Variants in WDPCP observed in about 807,000 individuals in gnomAD.
WDPCP encodes WD repeat containing planar cell polarity effector.
WDPCP carries 71 observed loss-of-function variants against 93.1 expected under a neutral mutation model. That is an observed-to-expected ratio of 0.76 (90% confidence interval 0.63 to 0.93). The LOEUF is 0.93. WDPCP is among the 40% of genes least tolerant of loss of function. The pLI is 0.00. For missense variants in WDPCP, 844 were observed against 887.4 expected (o/e 0.95, Z 0.62); for synonymous variants, 315 against 315.0 (o/e 1.00, Z 0.00).
At chr2:63,757,478 C>T (rs1387813627) in intron 2 of WDPCP, among the ~76,000 whole-genome samples, 1 of 152,160 alleles carries the variant, frequency 6.6e-6, no homozygotes, top group Non-Finnish European at 1.5e-5. Flanking sequence ...TTAGAAACTA[C>T]CATACCTCAC....
At chr2:63,800,367 C>G (rs1238985263) in intron 2 of WDPCP, among the ~76,000 whole-genome samples, 1 of 152,160 alleles carries the variant, frequency 6.6e-6, no homozygotes, top group Non-Finnish European at 1.5e-5. Context: ...TCAGACCTGT[C>G]TCTCCTATTA....
In WDPCP at chr2:63,575,395, T is replaced by C. The variant is rs867620204; in HGVS notation, c.75+12802A>G. 6.3e-4 allele frequency among the ~76,000 whole-genome samples: 56 copies of C among 89,338 alleles called. 2 individuals are homozygous for C. Among genetic ancestry groups the C allele is most frequent in the African/African-American group, 1.9e-3 (43 of 22,542 alleles). 58.6% of individuals were successfully genotyped at this position (89,338 alleles called of 152,430 possible). ...GTATATACAGTATATACACGGTATATACAGTATATATACAGTATATACACT... is the reference window on the plus strand; with the variant it reads ...GTATATACAGTATATACACGGTATACACAGTATATATACAGTATATACACT... On this transcript the variant is annotated intron_variant, in intron 1 of 17. Coordinates refer to ENST00000272321, the MANE Select transcript of WDPCP (RefSeq NM_015910.7).
intron 3 of WDPCP, among the ~76,000 whole-genome samples, chr2:63,617,278 CT>C (rs1040778529): frequency 6.6e-6 from 1 of 152,144 alleles, no homozygotes; most frequent in African/African-American, 2.4e-5. Flanking sequence ...TTATCTTGAA[CT>C]TAGAGATGGG....
intron 13 of WDPCP, among the ~76,000 whole-genome samples, chr2:63,282,215 A>T (rs1193671392): frequency 6.6e-6 from 1 of 152,186 alleles, no homozygotes; most frequent in Non-Finnish European, 1.5e-5. Flanking sequence ...TGGTATAAAA[A>T]CAGACATGGG....
chr2:63,234,933 A>G (rs1679251401), intron 14 of WDPCP, among the ~76,000 whole-genome samples: 1 of 152,182 alleles, frequency 6.6e-6, no homozygotes, highest in African/African-American at 2.4e-5. Flanking sequence ...ATTTATTACC[A>G]CTAATATAAA....
intron 2 of WDPCP, among the ~76,000 whole-genome samples, chr2:63,678,396 A>G (rs545862777): frequency 4.5e-4 from 68 of 152,334 alleles, no homozygotes; most frequent in African/African-American, 1.5e-3. Context: ...GGGCACCCCA[A>G]TTGCAAAAGA....
chr2:63,691,582 C>T (rs1164611737), intron 2 of WDPCP, among the ~76,000 whole-genome samples: 1 of 151,970 alleles, frequency 6.6e-6, no homozygotes, highest in African/African-American at 2.4e-5. Context: ...TTGCAGTGAG[C>T]CAAGATTGTG....
chr2:63,364,561 G>A (rs1690744038), intron 12 of WDPCP, among the ~76,000 whole-genome samples: 1 of 152,068 alleles, frequency 6.6e-6, no homozygotes, highest in Non-Finnish European at 1.5e-5. Flanking sequence ...TCTTCCCCAA[G>A]ACACATAGCT....
chr2:63,339,124 T>A (rs1310171104), intron 12 of WDPCP, among the ~76,000 whole-genome samples: 1 of 151,396 alleles, frequency 6.6e-6, no homozygotes, highest in Non-Finnish European at 1.5e-5. Flanking sequence ...AGGTACTTAA[T>A]TTTTTTTTGT....
At chr2:63,227,132 G>T (rs1678357824) in intron 14 of WDPCP, among the ~76,000 whole-genome samples, 1 of 151,890 alleles carries the variant, frequency 6.6e-6, no homozygotes, top group Non-Finnish European at 1.5e-5. Flanking sequence ...CCCCATTAAT[G>T]TAAATTATTT....
chr2:63,363,732 A>T (rs1251822581), intron 12 of WDPCP, among the ~76,000 whole-genome samples: 1 of 72,998 alleles, frequency 1.4e-5, no homozygotes, highest in Non-Finnish European at 2.3e-5. Context: ...GGAGATTAGG[A>T]AGAATATATT....
chr2:63,444,987 C>T (rs1183807864), intron 6 of WDPCP, among the ~76,000 whole-genome samples: 1 of 152,128 alleles, frequency 6.6e-6, no homozygotes, highest in Non-Finnish European at 1.5e-5. Context: ...CCCCAGATGG[C>T]TCTTCAAATT....
At chr2:63,723,467 T>C (rs944965335) in intron 2 of WDPCP, among the ~76,000 whole-genome samples, 2 of 152,212 alleles carry the variant, frequency 1.3e-5, no homozygotes, top group African/African-American at 4.8e-5. Context: ...TATAATTTCT[T>C]TGTAGAAATT....
At chr2:63,588,131 G>A (rs1345920542) in intron 1 of WDPCP, 66 bp downstream of exon 1, 2 of 1,528,226 alleles carry the variant, frequency 1.3e-6, no homozygotes, top group East Asian at 2.5e-5. Flanking sequence ...AAGCGGGACG[G>A]CGCACCAACC....
intron 12 of WDPCP, among the ~76,000 whole-genome samples, chr2:63,367,272 A>T (rs1690992233): frequency 1.3e-5 from 2 of 152,076 alleles, no homozygotes; most frequent in South Asian, 4.1e-4. Flanking sequence ...CAAGATGCCA[A>T]ATTTCATCTG....
intron 1 of WDPCP, among the ~76,000 whole-genome samples, chr2:63,823,215 CA>C: frequency 8.0e-6 from 1 of 125,260 alleles, no homozygotes; most frequent in East Asian, 2.3e-4. Flanking sequence ...AAAAAAAAAA[CA>C]AAAAACTTTG....
At chr2:63,372,823 G>A (rs1248238812) in intron 12 of WDPCP, among the ~76,000 whole-genome samples, 1 of 151,972 alleles carries the variant, frequency 6.6e-6, no homozygotes, top group Non-Finnish European at 1.5e-5. Flanking sequence ...AAGACTATTT[G>A]TATTACATTA....
chr2:63,239,255 C>T (rs1318423470), intron 14 of WDPCP, among the ~76,000 whole-genome samples: 3 of 152,110 alleles, frequency 2.0e-5, no homozygotes, highest in Non-Finnish European at 4.4e-5. Flanking sequence ...GCTCTTTCAC[C>T]CAGGCTGGAG....
chr2:63,323,994 C>A (rs934873155), intron 12 of WDPCP, among the ~76,000 whole-genome samples: 1 of 152,156 alleles, frequency 6.6e-6, no homozygotes, highest in Admixed American at 6.5e-5. Flanking sequence ...AACAGGCTCA[C>A]CTTTGAAATG....
Sources: allele counts gnomAD v4.1 joint callset (sites outside exome capture counted in the v4.1 genomes callset), GRCh38; gene constraint gnomAD v4.1.1; transcripts MANE v1.5; gene names NCBI Gene and HGNC (gene_info 2026-07-23, HGNC 2026-07-21).